ALAS2: variants seen among roughly 807,000 people sequenced by gnomAD.
ALAS2 encodes 5-aminolevulinate synthase, erythroid-specific, mitochondrial.
ALAS2 carries 3 observed loss-of-function variants against 33.7 expected under a neutral mutation model. The observed-to-expected ratio is 0.09, with a 90% confidence interval of 0.04 to 0.23. The LOEUF (loss-of-function observed/expected upper bound fraction) is 0.23, where lower values mean the gene tolerates loss of function less well. Ranked by LOEUF, ALAS2 falls within the 10% of genes least tolerant of loss-of-function variation. The pLI is 1.00. For missense variants in ALAS2, 304 were observed against 475.1 expected, an observed-to-expected ratio of 0.64 and a Z score of 3.35; for synonymous variants, 191 against 177.3, an observed-to-expected ratio of 1.08 and a Z score of -0.61.
At chrX:55,024,913 T>A (rs1935867389) in intron 2 of ALAS2, 73 bp from the exon 3 acceptor site, 1 of 1,153,452 alleles carries the variant, frequency 8.7e-7, no homozygotes, top group Admixed American at 2.2e-5. Flanking sequence ...ATTGCTGAGA[T>A]CTAATGTACC....
intron 10 of ALAS2, 38 bp downstream of exon 10, chrX:55,013,448 G>A (rs1935638035): frequency 8.5e-7 from 1 of 1,176,641 alleles, no homozygotes. Context: ...GGGGCTGAGG[G>A]GAGGGAGGTC....
intron 9 of ALAS2, among the ~76,000 whole-genome samples, chrX:55,013,939 G>C (rs1160570042): frequency 9.0e-6 from 1 of 110,804 alleles, no homozygotes; most frequent in African/African-American, 3.3e-5. Context: ...AGTTTGGGAT[G>C]GTTCTGGGTG....
At chrX:55,022,466 A>G (rs1369397105) in intron 4 of ALAS2, among the ~76,000 whole-genome samples, 1 of 112,114 alleles carries the variant, frequency 8.9e-6, no homozygotes, top group Non-Finnish European at 1.9e-5. Context: ...TTAATCAGGA[A>G]AAATAAAACT....
intron 1 of ALAS2, among the ~76,000 whole-genome samples, chrX:55,030,302 C>A (rs1327211229): frequency 9.0e-6 from 1 of 111,603 alleles, no homozygotes; most frequent in African/African-American, 3.3e-5. Flanking sequence ...CATTCCTCTT[C>A]CACTTTCTTC....
At chrX:55,014,054 G>T (rs1485739678) in intron 9 of ALAS2, among the ~76,000 whole-genome samples, 1 of 111,432 alleles carries the variant, frequency 9.0e-6, no homozygotes, top group Non-Finnish European at 1.9e-5. Context: ...GAAATACTAG[G>T]TTAGTCTAAA....
chrX:55,020,480 A>T lies in ALAS2; in HGVS notation c.663T>A (p.Ala221=). 1 of 1,180,361 alleles carries T rather than the reference A, an allele frequency of 8.5e-7. No individual in the cohort carries two copies. Among genetic ancestry groups the T allele is most frequent in the Non-Finnish European group, 1.1e-6 (1 of 879,573 alleles). Reference sequence around the variant, plus strand: ...AGATGTTGCGGGTGCCACCAGCTCCAGCACCATGACGCTGCAGGGTCTCCC... The same window carrying T: ...AGATGTTGCGGGTGCCACCAGCTCCTGCACCATGACGCTGCAGGGTCTCCC... ...ATQETLQRHG[A]GAGGTRNISG... is the part of the protein sequence containing the mutation. Residue 221 remains alanine (A), a synonymous_variant, in exon 6 of 11, where the codon GCT becomes GCA. Coordinates refer to ENST00000650242, the MANE Select transcript of ALAS2 (RefSeq NM_000032.5).
chrX:55,012,583 T>C (rs1423593553), intron 10 of ALAS2, among the ~76,000 whole-genome samples: 1 of 111,996 alleles, frequency 8.9e-6, no homozygotes, highest in Non-Finnish European at 1.9e-5. Flanking sequence ...GGTCAGGAGT[T>C]CGAGACTAGC....
intron 4 of ALAS2, among the ~76,000 whole-genome samples, chrX:55,021,564 C>T (rs1935807900): frequency 8.9e-6 from 1 of 112,154 alleles, no homozygotes; most frequent in African/African-American, 3.2e-5. Flanking sequence ...TTACTAGAAT[C>T]ACTGCTTTCA....
At chrX:55,015,162 G>A in intron 8 of ALAS2, 147 bp from the exon 9 acceptor site, 1 of 647,074 alleles carries the variant, frequency 1.5e-6, no homozygotes, top group Non-Finnish European at 2.3e-6. Context: ...TCCATGACAA[G>A]GCAGTCGTAG....
chrX:55,010,086 C>T (rs1262056523), intron 10 of ALAS2, among the ~76,000 whole-genome samples: 2 of 111,828 alleles, frequency 1.8e-5, no homozygotes, highest in African/African-American at 6.5e-5. Context: ...ATGGCAATTC[C>T]AGTTGCTCAG....
intron 10 of ALAS2, 51 bp from the exon 11 acceptor site, chrX:55,009,394 C>A: frequency 8.9e-7 from 1 of 1,122,928 alleles, no homozygotes; most frequent in South Asian, 2.0e-5. Flanking sequence ...ACTAGATCTT[C>A]CAAATCTGTC....
At position 55,013,609 on chromosome X, in the gene ALAS2, G is replaced by T; in HGVS notation, c.1477C>A (p.Leu493Met). 1 of 1,211,788 alleles carries T rather than the reference G, an allele frequency of 8.3e-7. No individual in the cohort carries two copies. The highest frequency in any genetic ancestry group is 2.3e-4 in the Middle Eastern group (1 of 4,352). ...ACATAGATGCCATGCTTGGAGAGCA[G>T]GAGATCACAGAGCTTGCTGTTGAGT... ...AALNSKLCDL[L>M]LSKHGIYVQA... The change falls in exon 10 of 11, where the codon CTG (leucine) becomes ATG (methionine). Residue 493 changes from leucine to methionine, a missense_variant. Transcript: ENST00000650242.
chrX:55,011,523 G>T (rs1935602303), intron 10 of ALAS2, among the ~76,000 whole-genome samples: 1 of 111,457 alleles, frequency 9.0e-6, no homozygotes, highest in Non-Finnish European at 1.9e-5. Context: ...ATCGAGAAAG[G>T]ATTTGAGAGG....
chrX:55,024,005 T>C, intron 3 of ALAS2, 138 bp from the exon 4 acceptor site: 1 of 517,042 alleles, frequency 1.9e-6, no homozygotes, highest in East Asian at 3.7e-5. Context: ...CGAGAAGAAA[T>C]CTTCTCCAAG....
Position 55,020,192 on chromosome X carries a change from G to A in ALAS2, c.823+128C>T, listed in dbSNP as rs569361038. The stretch of plus-strand genomic sequence containing the variant: ...TTATCCAGTGTTGAGGATATGCAAG[G>A]TGGATAAGAAGGAAGAACAATGGGA... On this transcript the variant is annotated intron_variant, in intron 6 of 10. Transcript: ENST00000650242. 7.7e-5 allele frequency: 51 copies of A among 661,516 alleles called. No individual in the cohort carries two copies. In the South Asian group the frequency reaches 1.1e-3, roughly 15 times the overall value. 54.5% of individuals were successfully genotyped at this position (661,516 alleles called of 1,213,427 possible).
At chrX:55,019,158 T>C (rs1307065333) in intron 6 of ALAS2, among the ~76,000 whole-genome samples, 7 of 110,834 alleles carry the variant, frequency 6.3e-5, no homozygotes, top group Non-Finnish European at 1.1e-4. Context: ...TGAGGCAATG[T>C]TTTTTTATAA....
At chrX:55,018,744 T>C (rs1204038696) in intron 6 of ALAS2, among the ~76,000 whole-genome samples, 2 of 111,017 alleles carry the variant, frequency 1.8e-5, no homozygotes, top group East Asian at 5.7e-4. Context: ...CCTGGGGGAA[T>C]GGGGGTCCAC....
At chrX:55,012,259 A>G (rs2283678) in intron 10 of ALAS2, among the ~76,000 whole-genome samples, 1,414 of 111,800 alleles carry the variant, frequency 0.013, 53 homozygotes, top group Admixed American at 0.1. Flanking sequence ...ACATATTCAC[A>G]TGTACTTCAA....
At chrX:55,027,789 C>A (rs201836599) in intron 1 of ALAS2, 4 of 1,211,626 alleles carry the variant, frequency 3.3e-6, no homozygotes, top group Non-Finnish European at 4.5e-6. Flanking sequence ...CATCCCAGAG[C>A]AACCTCTCCC....
Sources: gnomAD v4.1 joint callset for allele counts (sites outside exome capture counted in the v4.1 genomes callset) on GRCh38, gnomAD v4.1.1 for gene constraint, MANE v1.5 for transcripts, NCBI Gene and HGNC (gene_info 2026-07-23, HGNC 2026-07-21) for gene names.